ATP2B2: variants seen among roughly 807,000 people sequenced by gnomAD.
ATP2B2 encodes ATPase plasma membrane Ca2+ transporting 2.
A neutral mutation model predicts 120.0 loss-of-function variants in ATP2B2; 15 were observed. The ratio of observed to expected loss-of-function variants is 0.12; its 90% CI spans 0.08 to 0.19. The LOEUF (loss-of-function observed/expected upper bound fraction) is 0.19. Ranked by LOEUF, ATP2B2 falls within the 10% of genes least tolerant of loss-of-function variation. The pLI, the probability that ATP2B2 is intolerant of heterozygous loss-of-function variation, is 1.00. For synonymous variants in ATP2B2, 694 were observed against 700.3 expected, an observed-to-expected ratio of 0.99 and a Z score of 0.14; for missense variants, 1,045 against 1,719.8, an observed-to-expected ratio of 0.61 and a Z score of 6.94.
intron 2 of ATP2B2, among the ~76,000 whole-genome samples, chr3:10,564,660 G>A (rs930085554): frequency 6.6e-6 from 1 of 152,160 alleles, no homozygotes; most frequent in African/African-American, 2.4e-5. Flanking sequence ...CTAATTCTTA[G>A]AGGCCTTGCT....
chr3:10,549,860 G>A (rs1379920328), intron 2 of ATP2B2, among the ~76,000 whole-genome samples: 1 of 152,240 alleles, frequency 6.6e-6, no homozygotes, highest in Non-Finnish European at 1.5e-5. Flanking sequence ...GCCAGCACAG[G>A]GGAGGGGCCC....
At chr3:10,500,008 T>C (rs538024334) in intron 1 of ATP2B2, among the ~76,000 whole-genome samples, 9 of 148,056 alleles carry the variant, frequency 6.1e-5, no homozygotes, top group African/African-American at 1.8e-4. Context: ...CCATCTTGGC[T>C]CACTGCAACC....
At position 10,328,573 on chromosome 3, in the gene ATP2B2, T is replaced by C. The variant is rs1229303890; in HGVS notation, c.*241A>G. On this transcript the variant is annotated 3_prime_UTR_variant, in exon 23 of 23. Coordinates refer to ENST00000360273, the MANE Select transcript of ATP2B2 (RefSeq NM_001001331.4). Reference sequence around the variant, plus strand: ...GAAGGGCTTGTTTTGGGAAAACCGCTCACTCCCGTAAGCCCCCAGTGGAGA... The same window carrying C: ...GAAGGGCTTGTTTTGGGAAAACCGCCCACTCCCGTAAGCCCCCAGTGGAGA... 1 of 537,250 alleles carries C rather than the reference T, an allele frequency of 1.9e-6. No individual in the cohort carries two copies. The highest frequency in any genetic ancestry group is 3.3e-6 in the Non-Finnish European group (1 of 306,560). The allele number at this position is 537,250 out of a possible 1,614,324, so 33.3% of individuals were successfully genotyped here.
chr3:10,400,008 G>T (rs537564591), intron 5 of ATP2B2, among the ~76,000 whole-genome samples: 6 of 152,228 alleles, frequency 3.9e-5, no homozygotes, highest in Non-Finnish European at 5.9e-5. Flanking sequence ...TGGGTTGGGG[G>T]TGGAGATAGT....
chr3:10,336,155 G>T (rs1441976657), intron 22 of ATP2B2: 2 of 1,550,650 alleles, frequency 1.3e-6, no homozygotes, highest in Admixed American at 2.0e-5. Flanking sequence ...AGGAAGGCTG[G>T]TCGGAGAGGA....
At chr3:10,522,729 G>A (rs374122796) in intron 3 of ATP2B2, among the ~76,000 whole-genome samples, 28 of 152,316 alleles carry the variant, frequency 1.8e-4, no homozygotes, top group Middle Eastern at 6.8e-3. Context: ...ACCTCATAGA[G>A]CCTCACAGCA....
chr3:10,334,748 G>T (rs943637341), intron 22 of ATP2B2, among the ~76,000 whole-genome samples: 4 of 152,124 alleles, frequency 2.6e-5, no homozygotes, highest in African/African-American at 4.8e-5. Flanking sequence ...CCTGTGGCCC[G>T]CGCCTCCTAC....
intron 2 of ATP2B2, among the ~76,000 whole-genome samples, chr3:10,615,007 G>C (rs550068122): frequency 1.3e-5 from 2 of 152,310 alleles, no homozygotes; most frequent in East Asian, 3.9e-4. Context: ...GCACGGTCCT[G>C]GATTCTACCC....
chr3:10,483,531 C>T (rs1306622180), intron 1 of ATP2B2, among the ~76,000 whole-genome samples: 1 of 152,188 alleles, frequency 6.6e-6, no homozygotes, highest in African/African-American at 2.4e-5. Context: ...GAGGGGCAGC[C>T]TGGATTTCCA....
intron 3 of ATP2B2, among the ~76,000 whole-genome samples, chr3:10,521,094 G>A (rs925791354): frequency 6.6e-6 from 1 of 152,228 alleles, no homozygotes; most frequent in African/African-American, 2.4e-5. Flanking sequence ...ATTGGACAAG[G>A]TTTTGCCTGA....
chr3:10,624,654 C>T (rs138439371), intron 1 of ATP2B2, among the ~76,000 whole-genome samples: 7 of 152,300 alleles, frequency 4.6e-5, no homozygotes, highest in African/African-American at 1.7e-4. Context: ...GCTTTCCTGA[C>T]CCTGCTTGTC....
chr3:10,413,300 T>A (rs895819829), intron 2 of ATP2B2, among the ~76,000 whole-genome samples: 9 of 152,180 alleles, frequency 5.9e-5, no homozygotes, highest in African/African-American at 2.2e-4. Flanking sequence ...CCATGAGATC[T>A]CCATCAGGAG....
chr3:10,407,180 AGATGGGGTGGG>A (rs1225901384), intron 3 of ATP2B2, among the ~76,000 whole-genome samples: 2 of 152,090 alleles, frequency 1.3e-5, no homozygotes, highest in Non-Finnish European at 2.9e-5. Context: ...CTCACCTGCC[AGATGGGGTGGG>A]GGTGGGGATG....
rs144019664 is a variant in ATP2B2, at chr3:10,562,621, C to A, written c.-414-28488G>T. On this transcript the variant is annotated intron_variant, in intron 2 of 21. Coordinates refer to the ATP2B2 transcript ENST00000646379. ...ATCTCTTTTTAGGACCTCCACCCTG[C>A]CCAAACAGTCTTTTTCCTTCAGGAG... Among the ~76,000 whole-genome samples the A allele has an allele frequency of 4.7e-4, 71 of 152,306 alleles. No homozygotes were observed. In the East Asian group the frequency reaches 0.013, roughly 27 times the overall value.
At chr3:10,660,257 C>T (rs2070744441) in intron 1 of ATP2B2, among the ~76,000 whole-genome samples, 1 of 152,092 alleles carries the variant, frequency 6.6e-6, no homozygotes, top group African/African-American at 2.4e-5. Flanking sequence ...CAGAGCAGAA[C>T]TGAAGGAGAT....
At chr3:10,545,747 G>C (rs977782522) in intron 2 of ATP2B2, among the ~76,000 whole-genome samples, 7 of 151,984 alleles carry the variant, frequency 4.6e-5, no homozygotes, top group African/African-American at 1.7e-4. Flanking sequence ...TTAAATCATG[G>C]CAACAATTTG....
intron 2 of ATP2B2, among the ~76,000 whole-genome samples, chr3:10,542,202 C>A (rs2067455241): frequency 6.6e-6 from 1 of 152,078 alleles, no homozygotes; most frequent in South Asian, 2.1e-4. Flanking sequence ...ATCCACTCTG[C>A]CAATCTTTGT....
chr3:10,680,642 A>C (rs953716527), intron 1 of ATP2B2, among the ~76,000 whole-genome samples: 3 of 152,150 alleles, frequency 2.0e-5, no homozygotes, highest in African/African-American at 7.2e-5. Context: ...GTGTCCCCCA[A>C]ATGTAAGGGC....
chr3:10,382,822 G>A (rs1407216640), intron 8 of ATP2B2, among the ~76,000 whole-genome samples: 2 of 151,924 alleles, frequency 1.3e-5, no homozygotes, highest in Non-Finnish European at 2.9e-5. Flanking sequence ...TGGGGGAGCA[G>A]GGTCAAAGGG....
Sources: allele counts gnomAD v4.1 joint callset (sites outside exome capture counted in the v4.1 genomes callset), GRCh38; gene constraint gnomAD v4.1.1; transcripts MANE v1.5; gene names NCBI Gene and HGNC (gene_info 2026-07-23, HGNC 2026-07-21).